Variants in ITGA4 observed in about 807,000 individuals in gnomAD.
The protein encoded by ITGA4 is integrin alpha-4.
ITGA4 carries 63 observed loss-of-function variants against 133.6 expected under a neutral mutation model. The observed-to-expected ratio is 0.47, with a 90% CI of 0.38 to 0.58. The LOEUF (loss-of-function observed/expected upper bound fraction) is 0.58. ITGA4 is among the 20% of genes least tolerant of loss of function. The probability of loss-of-function intolerance (pLI) is 0.00; values close to 1 mark genes in which losing one functional copy is unlikely to be tolerated. For synonymous variants in ITGA4, 483 were observed against 438.0 expected (o/e 1.10, Z -1.28); for missense variants, 1,076 against 1,252.7 (o/e 0.86, Z 2.13).
intron 2 of ITGA4, among the ~76,000 whole-genome samples, chr2:181,470,469 T>A (rs1685521855): frequency 6.6e-6 from 1 of 152,074 alleles, no homozygotes; most frequent in Non-Finnish European, 1.5e-5. Context: ...TTCAAAAAAA[T>A]TCTTATGTCT....
Position 181,485,968 on chromosome 2 carries a change from G to C in ITGA4, c.1129G>C (p.Asp377His), listed in dbSNP as rs200585256. 6.3e-7 allele frequency: 1 copy of C among 1,596,970 alleles called. No homozygotes were observed. Among genetic ancestry groups the C allele is most frequent in the Non-Finnish European group, 8.5e-7 (1 of 1,175,726 alleles). The change falls in exon 10 of 28, where the codon GAC (aspartate) becomes CAC (histidine). Residue 377 changes from aspartate (D) to histidine (H), a missense_variant. By Grantham distance (81) the Asp-to-His change is moderately conservative (BLOSUM62 -1). Around this residue, in one of 4 missense-constraint regions of ITGA4, gnomAD observed 436 missense variants for 590.7 expected, o/e 0.74. Coordinates refer to ENST00000397033, the MANE Select transcript of ITGA4 (RefSeq NM_000885.6). ...TGGGGAATCTATAGTTAATCTTGGC[G>C]ACATTGACAATGATGGCTTTGAAGG... ...RFGESIVNLG[D>H]IDNDGFEDVA...
intron 15 of ITGA4, among the ~76,000 whole-genome samples, chr2:181,508,250 T>C (rs1291737782): frequency 6.6e-6 from 1 of 151,770 alleles, no homozygotes; most frequent in Non-Finnish European, 1.5e-5. Flanking sequence ...TCAACAAGAA[T>C]AGGAGTAAGA....
At chr2:181,466,839 T>C (rs1685428488) in intron 2 of ITGA4, among the ~76,000 whole-genome samples, 1 of 152,144 alleles carries the variant, frequency 6.6e-6, no homozygotes, top group Non-Finnish European at 1.5e-5. Flanking sequence ...CTCTGCTGGC[T>C]CAGTTCAAAG....
intron 25 of ITGA4, among the ~76,000 whole-genome samples, chr2:181,533,966 C>G (rs78871629): frequency 6.6e-6 from 1 of 152,084 alleles, no homozygotes; most frequent in Non-Finnish European, 1.5e-5. Context: ...AAGATAGATT[C>G]AATATGCGGT....
At chr2:181,525,082 CT>C (rs1360493465) in intron 20 of ITGA4, 119 bp from the exon 21 acceptor site, 31 of 474,708 alleles carry the variant, frequency 6.5e-5, no homozygotes, top group African/African-American at 5.5e-4. Flanking sequence ...TTTATCCCCA[CT>C]CCTCAAAAAG....
chr2:181,481,769 T>C (rs1052848592), intron 7 of ITGA4, 86 bp downstream of exon 7: 3 of 509,700 alleles, frequency 5.9e-6, no homozygotes, highest in African/African-American at 3.9e-5. Context: ...ACTGTGAATG[T>C]TGTAAGGAAA....
intron 2 of ITGA4, among the ~76,000 whole-genome samples, chr2:181,460,151 C>T (rs1685233634): frequency 6.6e-6 from 1 of 152,040 alleles, no homozygotes; most frequent in Non-Finnish European, 1.5e-5. Context: ...AAATGATGAG[C>T]CAAACTGATT....
intron 2 of ITGA4, among the ~76,000 whole-genome samples, chr2:181,464,036 C>T (rs1456866612): frequency 6.6e-6 from 1 of 151,856 alleles, no homozygotes; most frequent in Admixed American, 6.6e-5. Context: ...CAGAGGTCCC[C>T]AGATGATTCC....
In ITGA4 at chr2:181,524,222, G is replaced by T. The variant is rs180712140; in HGVS notation, c.2221G>T (p.Asp741Tyr). The T allele has an allele frequency of 2.7e-4, 435 of 1,599,324 alleles. No individual in the cohort carries two copies. Among genetic ancestry groups the T allele is most frequent in the Non-Finnish European group, 3.6e-4 (419 of 1,172,120 alleles). ...GAGCTCACTCAGCAGAGCGGAAGAG[G>T]ACCTCAGTATCACAGTGCATGCTAC... ...DVSSLSRAEE[D>Y]LSITVHATCE... The change falls in exon 20 of 28, where the codon GAC (aspartate) becomes TAC (tyrosine). Residue 741 changes from aspartate (D) to tyrosine (Y), a missense_variant. Around this residue, in one of 4 missense-constraint regions of ITGA4, gnomAD observed 365 missense variants for 421.4 expected, o/e 0.87. Transcript: ENST00000397033.
rs532288019 is a variant in ITGA4, at chr2:181,495,151, G to A, written c.1340-220G>A. 2.7e-4 allele frequency among the ~76,000 whole-genome samples: 41 copies of A among 152,262 alleles called. No homozygotes were observed. The highest frequency in any genetic ancestry group is 8.4e-4 in the African/African-American group (35 of 41,564). On this transcript the variant is annotated intron_variant, in intron 12 of 27. Coordinates refer to ENST00000397033, the MANE Select transcript of ITGA4 (RefSeq NM_000885.6). The surrounding 1 kb of genome is among the most constrained non-coding windows in gnomAD (Gnocchi z 4.3). ...ATTTTGTTTTAGTAAACTTGTTTTTGTCATAAAGTTTATGATATATCATAA... is the reference window on the plus strand; with the variant it reads ...ATTTTGTTTTAGTAAACTTGTTTTTATCATAAAGTTTATGATATATCATAA...
chr2:181,498,073 G>A (rs890369255), intron 14 of ITGA4, among the ~76,000 whole-genome samples: 2 of 151,778 alleles, frequency 1.3e-5, no homozygotes, highest in South Asian at 2.1e-4. Context: ...CATAAGACTG[G>A]AAAGATGACA....
At chr2:181,467,471 C>G (rs1685447064) in intron 2 of ITGA4, among the ~76,000 whole-genome samples, 1 of 152,152 alleles carries the variant, frequency 6.6e-6, no homozygotes, top group Non-Finnish European at 1.5e-5. Context: ...AAGTATTTCA[C>G]TAGCACTGTC....
intron 17 of ITGA4, 43 bp downstream of exon 17, chr2:181,511,818 G>A (rs767018830): frequency 2.2e-6 from 2 of 918,498 alleles, no homozygotes; most frequent in East Asian, 4.8e-5. Flanking sequence ...CATCGAGAGG[G>A]TGTAATGAGT....
Position 181,537,509 on chromosome 2 carries a change from T to C in ITGA4, c.*1982T>C, listed in dbSNP as rs202115634. 34 of 451,624 alleles carry C rather than the reference T, an allele frequency of 7.5e-5. No homozygotes were observed. The highest frequency in any genetic ancestry group is 5.1e-4 in the South Asian group (33 of 64,244). 28.0% of individuals were successfully genotyped at this position (451,624 alleles called of 1,614,324 possible). A position where few individuals can be genotyped will look rare whatever the true frequency, so the allele number is the denominator to read the frequency against. ...TTATTCTTTTTTGGCAGGTAGGCTA[T>C]ATAACTATGTGATTTTGAAATTTAA... On this transcript the variant is annotated 3_prime_UTR_variant, in exon 28 of 28. Transcript: ENST00000397033.
intron 4 of ITGA4, among the ~76,000 whole-genome samples, chr2:181,478,003 C>A (rs1574384388): frequency 6.6e-6 from 1 of 151,978 alleles, no homozygotes; most frequent in African/African-American, 2.4e-5. Context: ...TATATACACA[C>A]ATATATACAT....
In ITGA4 at chr2:181,457,718, C is replaced by T. The variant is rs763307470; in HGVS notation, c.64C>T (p.Leu22=). The part of the protein sequence containing the change: ...RRAAVRETVM[L]LLCLGVPTGR... Reference sequence around the variant, plus strand: ...GGCCGCCGTCCGGGAGACGGTGATGCTGTTGCTGTGCCTGGGGGTCCCGAC... The same window carrying T: ...GGCCGCCGTCCGGGAGACGGTGATGTTGTTGCTGTGCCTGGGGGTCCCGAC... The change falls in exon 1 of 28, where the codon CTG becomes TTG. Residue 22 remains leucine, a synonymous_variant. Coordinates refer to ENST00000397033, the MANE Select transcript of ITGA4 (RefSeq NM_000885.6). 3.7e-6 allele frequency: 6 copies of T among 1,612,716 alleles called. No individual in the cohort carries two copies. The South Asian group carries it at 5.5e-5, about 15-fold the overall frequency.
intron 10 of ITGA4, among the ~76,000 whole-genome samples, chr2:181,490,516 T>A: frequency 7.6e-6 from 1 of 132,352 alleles, no homozygotes; most frequent in South Asian, 2.2e-4. Context: ...TGTGTGTGTG[T>A]GTGTGTGTGT....
intron 10 of ITGA4, among the ~76,000 whole-genome samples, chr2:181,487,454 C>T (rs1397398633): frequency 6.6e-6 from 1 of 152,180 alleles, no homozygotes; most frequent in Non-Finnish European, 1.5e-5. Context: ...GAGTTCACAT[C>T]TCCTGAGAGT....
intron 23 of ITGA4, 44 bp from the exon 24 acceptor site, chr2:181,530,480 C>T (rs1308180807): frequency 4.5e-6 from 7 of 1,558,998 alleles, no homozygotes; most frequent in Non-Finnish European, 6.1e-6. Flanking sequence ...GCTGTTTTTT[C>T]CAGTGTTGAA....
Sources: gnomAD v4.1 joint callset for allele counts (sites outside exome capture counted in the v4.1 genomes callset) on GRCh38, gnomAD v4.1.1 for gene constraint, gnomAD v4.1.1 regional missense constraint, Gnocchi (gnomAD v3.1) non-coding constraint, MANE v1.5 for transcripts, NCBI Gene and HGNC (gene_info 2026-07-23, HGNC 2026-07-21) for gene names.